The following PIGK variants were observed in gnomAD, a reference collection of about 807,000 sequenced individuals.
PIGK encodes the protein phosphatidylinositol glycan anchor biosynthesis class K, also known as GPI-anchor transamidase.
Under a neutral mutation model 50.6 loss-of-function variants are expected in PIGK, and 42 were observed. That is an observed-to-expected ratio of 0.83 (90% CI 0.65 to 1.07). PIGK has a LOEUF of 1.07. Ranked by LOEUF, PIGK falls within the 50% of genes least tolerant of loss-of-function variation. The probability of loss-of-function intolerance (pLI) is 0.00; values close to 1 mark genes in which losing one functional copy is unlikely to be tolerated. For synonymous variants in PIGK, 151 were observed against 156.0 expected (o/e 0.97, Z 0.24); for missense variants, 448 against 488.7 (o/e 0.92, Z 0.78).
At chr1:77,124,225 A>G (rs1460031739) in intron 9 of PIGK, among the ~76,000 whole-genome samples, 1 of 152,198 alleles carries the variant, frequency 6.6e-6, no homozygotes, top group Non-Finnish European at 1.5e-5. Context: ...AAATAAACTA[A>G]AGTAAATACT....
chr1:77,161,774 T>C, intron 6 of PIGK, 63 bp from the exon 7 acceptor site: 1 of 752,922 alleles, frequency 1.3e-6, no homozygotes, highest in South Asian at 1.5e-5. Context: ...CTAATATTTC[T>C]ACAATACTTT....
intron 9 of PIGK, among the ~76,000 whole-genome samples, chr1:77,133,920 C>A (rs778220971): frequency 1.3e-5 from 2 of 152,154 alleles, no homozygotes; most frequent in Non-Finnish European, 2.9e-5. Context: ...CACTGAACTG[C>A]CAAAAGCTGT....
At chr1:77,212,151 C>T (rs1427960634) in intron 1 of PIGK, among the ~76,000 whole-genome samples, 1 of 151,972 alleles carries the variant, frequency 6.6e-6, no homozygotes, top group Non-Finnish European at 1.5e-5. Context: ...TTTCTAACAC[C>T]ATCCTGACAC....
chr1:77,105,761 T>C lies in PIGK; in HGVS notation c.1072-13271A>G, dbSNP rs76595041. 1.2e-4 allele frequency among the ~76,000 whole-genome samples: 19 copies of C among 152,342 alleles called. No homozygotes were observed. The East Asian group carries it at 2.7e-3, about 22-fold the overall frequency. The stretch of plus-strand genomic sequence containing the variant: ...TGCTCTTTCATTTACACATTATCTA[T>C]TGGGGCTTTCACACTATACCAAAAA... On this transcript the variant is annotated intron_variant, in intron 10 of 10. Transcript: ENST00000370812.
chr1:77,192,943 A>C (rs1259195028), intron 3 of PIGK, among the ~76,000 whole-genome samples: 1 of 152,180 alleles, frequency 6.6e-6, no homozygotes, highest in Non-Finnish European at 1.5e-5. Flanking sequence ...TTCTAAAACC[A>C]TATCTGAATT....
chr1:77,107,420 G>A (rs1459148462), intron 10 of PIGK, among the ~76,000 whole-genome samples: 2 of 152,154 alleles, frequency 1.3e-5, no homozygotes, highest in Admixed American at 6.5e-5. Flanking sequence ...TCTTAATCCT[G>A]AGTTCTAGTT....
chr1:77,210,594 C>A (rs771643944), intron 1 of PIGK, 105 bp from the exon 2 acceptor site: 30 of 623,828 alleles, frequency 4.8e-5, no homozygotes, highest in Non-Finnish European at 8.1e-5. Flanking sequence ...TAATAACAAT[C>A]ATCTTACGTA....
chr1:77,218,618 T>C (rs1225803208), intron 1 of PIGK, among the ~76,000 whole-genome samples: 1 of 152,184 alleles, frequency 6.6e-6, no homozygotes, highest in African/African-American at 2.4e-5. Context: ...AAATGTCTCC[T>C]GACTATCCCG....
At chr1:77,166,503 T>TAA (rs67710068) in intron 5 of PIGK, among the ~76,000 whole-genome samples, 1 of 151,860 alleles carries the variant, frequency 6.6e-6, no homozygotes, top group Non-Finnish European at 1.5e-5. Flanking sequence ...AAGTCAATAG[T>TAA]AAAAAAATAT....
chr1:77,092,000 A>G lies in PIGK; in HGVS notation c.*374T>C, dbSNP rs1213755086. The G allele has an allele frequency of 6.5e-6, 1 of 154,720 alleles. No homozygotes were observed. The highest frequency in any genetic ancestry group is 1.4e-5 in the Non-Finnish European group (1 of 69,976). 9.6% of individuals were successfully genotyped at this position (154,720 alleles called of 1,614,324 possible). On this transcript the variant is annotated 3_prime_UTR_variant, in exon 11 of 11. Coordinates refer to ENST00000370812, the MANE Select transcript of PIGK (RefSeq NM_005482.3). Reference sequence around the variant, plus strand: ...TATGTGCATAAGTCAAAAGATTGGGAGGATATACAAAAAATAATTAACCAA... The same window carrying G: ...TATGTGCATAAGTCAAAAGATTGGGGGGATATACAAAAAATAATTAACCAA...
At chr1:77,124,951 T>C (rs1454356146) in intron 9 of PIGK, among the ~76,000 whole-genome samples, 2 of 152,204 alleles carry the variant, frequency 1.3e-5, no homozygotes, top group African/African-American at 4.8e-5. Context: ...TGCAGTTTGA[T>C]TCCAGTGCCT....
At chr1:77,110,099 A>T (rs981843116) in intron 10 of PIGK, among the ~76,000 whole-genome samples, 2 of 152,216 alleles carry the variant, frequency 1.3e-5, no homozygotes, top group East Asian at 1.9e-4. Context: ...CACTGCTCAA[A>T]GAAATAAAAG....
At chr1:77,201,450 T>C (rs1656162979) in intron 3 of PIGK, among the ~76,000 whole-genome samples, 1 of 152,138 alleles carries the variant, frequency 6.6e-6, no homozygotes, top group African/African-American at 2.4e-5. Flanking sequence ...AAGAATAAGT[T>C]AGAAGACAGT....
intron 3 of PIGK, among the ~76,000 whole-genome samples, chr1:77,190,249 A>T (rs1655867900): frequency 6.6e-6 from 1 of 151,966 alleles, no homozygotes; most frequent in Non-Finnish European, 1.5e-5. Context: ...AAACAAAAAA[A>T]AATTAGCTGA....
At chr1:77,192,400 T>C (rs763217297) in intron 3 of PIGK, among the ~76,000 whole-genome samples, 2 of 152,224 alleles carry the variant, frequency 1.3e-5, no homozygotes, top group Non-Finnish European at 2.9e-5. Flanking sequence ...TTGATTTAAC[T>C]ATTACACATT....
intron 9 of PIGK, among the ~76,000 whole-genome samples, chr1:77,140,836 A>G (rs560413216): frequency 8.5e-5 from 13 of 152,340 alleles, no homozygotes; most frequent in Admixed American, 2.6e-4. Context: ...TTTTTAAAGC[A>G]TAAGTTAGAG....
intron 2 of PIGK, among the ~76,000 whole-genome samples, chr1:77,210,092 TA>T (rs1335584828): frequency 6.6e-6 from 1 of 152,058 alleles, no homozygotes; most frequent in African/African-American, 2.4e-5. Flanking sequence ...AAAGTGTAAG[TA>T]GAAAGTATCT....
At position 77,094,018 on chromosome 1, in the gene PIGK, G is replaced by A. The variant is rs138492760; in HGVS notation, c.1072-1528C>T. Among the ~76,000 whole-genome samples the A allele has an allele frequency of 2.5e-3, 383 of 152,200 alleles. 2 individuals are homozygous for A. Among genetic ancestry groups the A allele is most frequent in the African/African-American group, 5.4e-3 (224 of 41,536 alleles). ...TAAGTAATATAAATATCACAAGCACGTGTCAATGAAAAAATAAGTGAGTGA... is the reference window on the plus strand; with the variant it reads ...TAAGTAATATAAATATCACAAGCACATGTCAATGAAAAAATAAGTGAGTGA... On this transcript the variant is annotated intron_variant, in intron 10 of 10. Coordinates refer to ENST00000370812, the MANE Select transcript of PIGK (RefSeq NM_005482.3).
chr1:77,194,763 T>G, intron 3 of PIGK: 1 of 345,782 alleles, frequency 2.9e-6, no homozygotes, highest in South Asian at 2.4e-5. Flanking sequence ...ATAACAAATC[T>G]GCATATGTAC....
Sources: gnomAD v4.1 joint callset for allele counts (sites outside exome capture counted in the v4.1 genomes callset) on GRCh38, gnomAD v4.1.1 for gene constraint, MANE v1.5 for transcripts, NCBI Gene and HGNC (gene_info 2026-07-23, HGNC 2026-07-21) for gene names.